Variants in DCDC1 observed in about 807,000 individuals in gnomAD.
The protein encoded by DCDC1 is doublecortin domain-containing protein 1.
Under a neutral mutation model 178.3 loss-of-function variants are expected in DCDC1, and 200 were observed. That is an observed-to-expected ratio of 1.12 (90% CI 1.00 to 1.26). The LOEUF (loss-of-function observed/expected upper bound fraction) is 1.26. Ranked by LOEUF, DCDC1 falls within the 50% of genes most tolerant of loss-of-function variation. The probability of loss-of-function intolerance (pLI) is 0.00; values close to 1 mark genes in which losing one functional copy is unlikely to be tolerated. For synonymous variants in DCDC1, 690 were observed against 604.8 expected, an observed-to-expected ratio of 1.14 and a Z score of -2.07; for missense variants, 1,983 against 1,749.2, an observed-to-expected ratio of 1.13 and a Z score of -2.38.
At chr11:31,019,500 T>C (rs1952724242) in intron 20 of DCDC1, among the ~76,000 whole-genome samples, 1 of 151,404 alleles carries the variant, frequency 6.6e-6, no homozygotes, top group African/African-American at 2.4e-5. Context: ...GGTGGGGAGG[T>C]GGTGCAGTGG....
chr11:30,961,142 T>C (rs1357416736), intron 20 of DCDC1, among the ~76,000 whole-genome samples: 1 of 152,142 alleles, frequency 6.6e-6, no homozygotes, highest in Non-Finnish European at 1.5e-5. Flanking sequence ...ATACTTTAGA[T>C]AATTTTTTGG....
intron 11 of DCDC1, 109 bp downstream of exon 11, chr11:31,127,360 C>T: frequency 1.9e-6 from 1 of 526,352 alleles, no homozygotes; most frequent in Non-Finnish European, 3.4e-6. Flanking sequence ...TTGAGGAAGA[C>T]AACATTAAAA....
At chr11:31,081,451 T>C (rs1488199715) in intron 17 of DCDC1, among the ~76,000 whole-genome samples, 1 of 151,650 alleles carries the variant, frequency 6.6e-6, no homozygotes, top group African/African-American at 2.4e-5. Context: ...CTACTAAAAA[T>C]ACAAAAAAAT....
intron 3 of DCDC1, among the ~76,000 whole-genome samples, chr11:31,310,308 ATTTTTTTT>A (rs11407483): frequency 0.02 from 1,099 of 53,822 alleles, 24 homozygotes; most frequent in African/African-American, 0.086. Context: ...GTAATTCTTG[ATTTTTTTT>A]TTTTTTTTTT....
At chr11:31,347,794 C>T (rs185830754) in intron 1 of DCDC1, among the ~76,000 whole-genome samples, 31 of 152,140 alleles carry the variant, frequency 2.0e-4, no homozygotes, top group Admixed American at 3.9e-4. Flanking sequence ...GACAAAGGGG[C>T]AGTTATACCT....
At chr11:31,019,415 T>C (rs976976298) in intron 20 of DCDC1, among the ~76,000 whole-genome samples, 1 of 152,002 alleles carries the variant, frequency 6.6e-6, no homozygotes, top group African/African-American at 2.4e-5. Flanking sequence ...ATTATATGTT[T>C]GTAGAGTGAG....
Position 30,909,071 on chromosome 11 carries a change from A to G in DCDC1, c.3793T>C (p.Tyr1265His). The change falls in exon 29 of 39, where the codon TAC becomes CAC. Residue 1265 changes from tyrosine to histidine, a missense_variant. By Grantham distance (83) the Tyr-to-His change is moderately conservative (BLOSUM62 2). Transcript: ENST00000684477. ...ACAAGTGCTTTTATATTTTTCATGTAATGCCACTTTTGATTGGCAGCTCCA... is the reference window on the plus strand; with the variant it reads ...ACAAGTGCTTTTATATTTTTCATGTGATGCCACTTTTGATTGGCAGCTCCA... The part of the protein sequence containing the change: ...NNGAANQKWH[Y>H]MKNIKALVAF... The G allele has an allele frequency of 6.2e-7, 1 of 1,611,664 alleles. No individual in the cohort carries two copies. Among genetic ancestry groups the G allele is most frequent in the Non-Finnish European group, 8.5e-7 (1 of 1,178,476 alleles).
intron 6 of DCDC1, among the ~76,000 whole-genome samples, chr11:31,292,185 CTG>C (rs1947283941): frequency 6.6e-6 from 1 of 152,092 alleles, no homozygotes; most frequent in Non-Finnish European, 1.5e-5. Context: ...ATTTGTTACT[CTG>C]TTTTCATTTT....
chr11:30,937,378 C>G (rs1030488614), intron 21 of DCDC1, among the ~76,000 whole-genome samples: 9 of 152,100 alleles, frequency 5.9e-5, no homozygotes, highest in African/African-American at 2.2e-4. Flanking sequence ...GGGACCTACT[C>G]AAAAGGAACC....
chr11:31,153,570 G>A (rs1965398025), intron 9 of DCDC1, among the ~76,000 whole-genome samples: 1 of 152,048 alleles, frequency 6.6e-6, no homozygotes, highest in Admixed American at 6.6e-5. Flanking sequence ...ATCACTTGAG[G>A]TCAGGAGTTC....
chr11:31,234,103 A>T (rs2136813204), intron 9 of DCDC1, among the ~76,000 whole-genome samples: 1 of 152,302 alleles, frequency 6.6e-6, no homozygotes, highest in East Asian at 1.9e-4. Flanking sequence ...CTTCCCAGTC[A>T]CACATATTAA....
intron 20 of DCDC1, among the ~76,000 whole-genome samples, chr11:30,994,776 T>A (rs1224862070): frequency 6.9e-6 from 1 of 145,584 alleles, no homozygotes; most frequent in Non-Finnish European, 1.5e-5. Context: ...TATTATAATA[T>A]TTATTATAAT....
intron 2 of DCDC1, among the ~76,000 whole-genome samples, chr11:31,333,862 T>C (rs1310050177): frequency 6.6e-6 from 1 of 152,174 alleles, no homozygotes; most frequent in Non-Finnish European, 1.5e-5. Context: ...TGTCTTGGGG[T>C]TGCTCTTCTC....
At chr11:31,117,382 A>G (rs1170365856) in intron 11 of DCDC1, among the ~76,000 whole-genome samples, 1 of 148,710 alleles carries the variant, frequency 6.7e-6, no homozygotes, top group African/African-American at 2.5e-5. Flanking sequence ...GATTTCAGGA[A>G]AAAAAAAAAA....
intron 8 of DCDC1, among the ~76,000 whole-genome samples, chr11:31,242,333 C>A (rs1358889683): frequency 6.6e-6 from 1 of 151,864 alleles, no homozygotes; most frequent in Non-Finnish European, 1.5e-5. Context: ...CATGTTTATA[C>A]ACTTTTTCAC....
intron 20 of DCDC1, among the ~76,000 whole-genome samples, chr11:31,018,218 G>A (rs1035018559): frequency 5.3e-5 from 8 of 152,080 alleles, no homozygotes; most frequent in East Asian, 1.9e-4. Context: ...GTTTAATGGC[G>A]TTTATACCTA....
At chr11:31,351,403 A>T (rs1426948336) in intron 1 of DCDC1, among the ~76,000 whole-genome samples, 13 of 152,272 alleles carry the variant, frequency 8.5e-5, no homozygotes. Flanking sequence ...GCAATTTTTC[A>T]AATGTATCCA....
chr11:31,336,356 T>C (rs935671420), intron 1 of DCDC1, among the ~76,000 whole-genome samples: 7 of 152,202 alleles, frequency 4.6e-5, no homozygotes, highest in Non-Finnish European at 1.0e-4. Context: ...GGGATATATC[T>C]GGCAAGTGTG....
intron 20 of DCDC1, among the ~76,000 whole-genome samples, chr11:31,009,871 G>C (rs765589800): frequency 1.3e-5 from 2 of 152,170 alleles, no homozygotes; most frequent in African/African-American, 4.8e-5. Context: ...AGGCAAAAGA[G>C]AAGCAGGCAC....
Sources: allele counts gnomAD v4.1 joint callset (sites outside exome capture counted in the v4.1 genomes callset), GRCh38; gene constraint gnomAD v4.1.1; transcripts MANE v1.5; gene names NCBI Gene and HGNC (gene_info 2026-07-23, HGNC 2026-07-21).